LRRC8A: variants seen among roughly 807,000 people sequenced by gnomAD.
LRRC8A encodes leucine rich repeat containing 8 VRAC subunit A.
In LRRC8A, 24 loss-of-function variants were observed where a neutral mutation model predicts 52.5. The observed-to-expected ratio is 0.46, with a 90% confidence interval of 0.33 to 0.64. The LOEUF (loss-of-function observed/expected upper bound fraction) is 0.64, where lower values mean the gene tolerates loss of function less well. LRRC8A is among the 30% of genes least tolerant of loss of function. The probability of loss-of-function intolerance (pLI) is 0.02; values close to 1 mark genes in which losing one functional copy is unlikely to be tolerated. For synonymous variants in LRRC8A, 492 were observed against 494.2 expected (o/e 1.00, Z 0.06); for missense variants, 677 against 1,094.7 (o/e 0.62, Z 5.38).
chr9:128,906,804 G>A lies in LRRC8A; in HGVS notation c.-8-353G>A, dbSNP rs80301087. On this transcript the variant is annotated intron_variant, in intron 2 of 3. Coordinates refer to ENST00000372600, the MANE Select transcript of LRRC8A (RefSeq NM_019594.4). The stretch of plus-strand genomic sequence containing the variant: ...GGTCAATCTGTTCATTAAATAGGTG[G>A]ACTTTAGAAAGGAGTTCCCGATTGC... Among the ~76,000 whole-genome samples, 10 of 152,280 alleles carry A rather than the reference G, an allele frequency of 6.6e-5. No homozygotes were observed. In the East Asian group the frequency reaches 1.9e-3, roughly 29 times the overall value.
At chr9:128,888,947 C>G (rs1204628486) in intron 2 of LRRC8A, among the ~76,000 whole-genome samples, 3 of 152,110 alleles carry the variant, frequency 2.0e-5, no homozygotes, top group Non-Finnish European at 2.9e-5. Flanking sequence ...ATTCTCAGCA[C>G]CATGTCTCAG....
At chr9:128,890,516 C>G (rs1564519299) in intron 2 of LRRC8A, among the ~76,000 whole-genome samples, 1 of 152,200 alleles carries the variant, frequency 6.6e-6, no homozygotes, top group Admixed American at 6.5e-5. Flanking sequence ...ACGCACTGAC[C>G]AGCAGCGGGG....
intron 3 of LRRC8A, among the ~76,000 whole-genome samples, chr9:128,910,136 T>A (rs1840445647): frequency 6.6e-6 from 1 of 152,160 alleles, no homozygotes; most frequent in African/African-American, 2.4e-5. Flanking sequence ...TGGTCTGGCC[T>A]CCGAAATGGA....
chr9:128,890,263 T>C (rs369565828), intron 2 of LRRC8A, among the ~76,000 whole-genome samples: 2 of 151,820 alleles, frequency 1.3e-5, no homozygotes, highest in Admixed American at 1.3e-4. Flanking sequence ...AAATGTTCCC[T>C]GCTGTCTTCC....
rs950781718 is a variant in LRRC8A at position 128,911,379 on chromosome 9, T to C, written c.2157+2058T>C. On this transcript the variant is annotated intron_variant, in intron 3 of 3. Coordinates refer to ENST00000372600, the MANE Select transcript of LRRC8A (RefSeq NM_019594.4). This position sits in a 1 kb window ranked among gnomAD's most constrained non-coding sequence, Gnocchi z 4.9. ...GAGTGGACCAGGGCAGGGTTTTCTC[T>C]TGTAGTTTCGGGACAGGCCCACTGA... 6.6e-6 allele frequency among the ~76,000 whole-genome samples: 1 copy of C among 152,180 alleles called. No homozygotes were observed. The highest frequency in any genetic ancestry group is 1.5e-5 in the Non-Finnish European group (1 of 68,024).
chr9:128,884,104 C>A (rs1004733299), intron 1 of LRRC8A, among the ~76,000 whole-genome samples: 6 of 152,172 alleles, frequency 3.9e-5, no homozygotes, highest in Non-Finnish European at 8.8e-5. Flanking sequence ...TTTGCAAACT[C>A]TTGAATGACC....
chr9:128,915,665 A>G (rs1840780788), intron 3 of LRRC8A, among the ~76,000 whole-genome samples: 1 of 152,118 alleles, frequency 6.6e-6, no homozygotes, highest in African/African-American at 2.4e-5. Flanking sequence ...TGCTTTCATA[A>G]ATTGTTGTTA....
At chr9:128,906,245 C>A (rs1840243188) in intron 2 of LRRC8A, among the ~76,000 whole-genome samples, 1 of 151,894 alleles carries the variant, frequency 6.6e-6, no homozygotes, top group Admixed American at 6.6e-5. Flanking sequence ...CCTCCCACTT[C>A]ATCCTCCCAA....
At position 128,902,658 on chromosome 9, in the gene LRRC8A, G is replaced by T. The variant is rs1840072841; in HGVS notation, c.-8-4499G>T. ...CCCTCTTCTGTTCCCCAGTCTTTAG[G>T]TCCTGGCCCTGGATGGGGACTCCAG... is the stretch of plus-strand genomic sequence containing the variant. On this transcript the variant is annotated intron_variant, in intron 2 of 3. Coordinates refer to ENST00000372600, the MANE Select transcript of LRRC8A (RefSeq NM_019594.4). This position sits in a 1 kb window ranked among gnomAD's most constrained non-coding sequence, Gnocchi z 4.1. Among the ~76,000 whole-genome samples, 3 of 152,198 alleles carry T rather than the reference G, an allele frequency of 2.0e-5. No homozygotes were observed. The highest frequency in any genetic ancestry group is 7.2e-5 in the African/African-American group (3 of 41,522).
chr9:128,887,842 A>C (rs1408972665), intron 2 of LRRC8A, among the ~76,000 whole-genome samples: 4 of 151,912 alleles, frequency 2.6e-5, no homozygotes, highest in Non-Finnish European at 5.9e-5. Flanking sequence ...ACGGGGTTTC[A>C]CCATGTTAGC....
intron 1 of LRRC8A, among the ~76,000 whole-genome samples, chr9:128,883,558 T>C (rs907909194): frequency 6.6e-6 from 1 of 152,186 alleles, no homozygotes; most frequent in African/African-American, 2.4e-5. Flanking sequence ...TGGAGGAGGC[T>C]GTTGTGGACA....
rs533978630 is a variant in LRRC8A at position 128,901,336 on chromosome 9, C to T, written c.-8-5821C>T. 3.0e-4 allele frequency among the ~76,000 whole-genome samples: 46 copies of T among 151,974 alleles called. 1 individual carries two copies. The highest frequency in any genetic ancestry group is 6.0e-4 in the Non-Finnish European group (41 of 68,014). ...AAATTAGCCGGCCGTGGTGGTGGCGCGCCTGTAGTGCCAGCTGCTTGGGAG... is the reference window on the plus strand; with the variant it reads ...AAATTAGCCGGCCGTGGTGGTGGCGTGCCTGTAGTGCCAGCTGCTTGGGAG... On this transcript the variant is annotated intron_variant, in intron 2 of 3. Transcript: ENST00000372600.
rs893738196 is a variant in LRRC8A, at chr9:128,892,804, G to A, written c.-9+6683G>A. On this transcript the variant is annotated intron_variant, in intron 2 of 3. Transcript: ENST00000372600. The surrounding 1 kb of genome is among the most constrained non-coding windows in gnomAD (Gnocchi z 5.2). Reference sequence around the variant, plus strand: ...AGAGCGGCCCCTTCGCGCTCCCTGGGAGAGCACTGGAGGGCCAGCCTTCCC... The same window carrying A: ...AGAGCGGCCCCTTCGCGCTCCCTGGAAGAGCACTGGAGGGCCAGCCTTCCC... 1.3e-5 allele frequency among the ~76,000 whole-genome samples: 2 copies of A among 152,166 alleles called. No homozygotes were observed. Among genetic ancestry groups the A allele is most frequent in the Non-Finnish European group, 2.9e-5 (2 of 68,034 alleles).
chr9:128,882,592 A>G (rs751355693), intron 1 of LRRC8A: 87 of 390,202 alleles, frequency 2.2e-4, no homozygotes, highest in Middle Eastern at 6.3e-4. Context: ...CTCCACACAC[A>G]CTCTCCCGTT....
intron 3 of LRRC8A, among the ~76,000 whole-genome samples, chr9:128,915,560 C>T (rs772771681): frequency 2.0e-5 from 3 of 152,166 alleles, no homozygotes; most frequent in African/African-American, 4.8e-5. Context: ...CTCCTGACCT[C>T]GTGATCCGCC....
rs767344168 is a variant in LRRC8A, at chr9:128,909,270, C to T, written c.2106C>T (p.Ala702=). 6.8e-6 allele frequency: 11 copies of T among 1,614,014 alleles called. No individual in the cohort carries two copies. The highest frequency in any genetic ancestry group is 5.5e-5 in the South Asian group (5 of 91,088). ...LSHNNLTFLP[A]DIGLLQNLQN... Reference sequence around the variant, plus strand: ...ACAACAACCTGACCTTCCTCCCTGCCGACATCGGCCTCCTGCAGAACCTCC... The same window carrying T: ...ACAACAACCTGACCTTCCTCCCTGCTGACATCGGCCTCCTGCAGAACCTCC... The change falls in exon 3 of 4, where the codon GCC becomes GCT. Residue 702 remains alanine, a synonymous_variant. Transcript: ENST00000372600.
At chr9:128,914,097 C>T (rs970338352) in intron 3 of LRRC8A, among the ~76,000 whole-genome samples, 1 of 151,996 alleles carries the variant, frequency 6.6e-6, no homozygotes, top group African/African-American at 2.4e-5. Context: ...CCCAGCTACT[C>T]GGGAGGCTAA....
chr9:128,913,620 A>G (rs1330305405), intron 3 of LRRC8A, among the ~76,000 whole-genome samples: 1 of 152,140 alleles, frequency 6.6e-6, no homozygotes, highest in African/African-American at 2.4e-5. Flanking sequence ...GAGGCCTTTC[A>G]GGGAGGGGGC....
At chr9:128,884,422 G>C (rs1036207330) in intron 1 of LRRC8A, among the ~76,000 whole-genome samples, 2 of 151,800 alleles carry the variant, frequency 1.3e-5, no homozygotes, top group African/African-American at 4.9e-5. Context: ...CATTCATTCA[G>C]CCATTCTTTA....
Sources: allele counts gnomAD v4.1 joint callset (sites outside exome capture counted in the v4.1 genomes callset), GRCh38; gene constraint gnomAD v4.1.1; non-coding constraint Gnocchi (gnomAD v3.1); transcripts MANE v1.5; gene names NCBI Gene and HGNC (gene_info 2026-07-23, HGNC 2026-07-21).